Variants in PRPS1 observed in about 807,000 individuals in gnomAD.
PRPS1 encodes the protein phosphoribosyl pyrophosphate synthetase 1.
PRPS1 carries 1 observed loss-of-function variant against 16.9 expected under a neutral mutation model. The ratio of observed to expected loss-of-function variants is 0.06; its 90% CI spans 0.02 to 0.28. The LOEUF is 0.28. PRPS1 is among the 10% of genes least tolerant of loss of function. The pLI is 1.00. For missense variants in PRPS1, 47 were observed against 254.0 expected, an observed-to-expected ratio of 0.19 and a Z score of 5.54; for synonymous variants, 70 against 90.2, an observed-to-expected ratio of 0.78 and a Z score of 1.27.
chrX:107,639,096 C>T lies in PRPS1; in HGVS notation c.123-199C>T, dbSNP rs368386568. 1.3e-4 allele frequency among the ~76,000 whole-genome samples: 15 copies of T among 111,859 alleles called. No homozygotes were observed. The East Asian group carries it at 1.4e-3, about 10-fold the overall frequency. On this transcript the variant is annotated intron_variant, in intron 1 of 6. Transcript: ENST00000372435. ...AATACTTAATACAATATAAATACTACGTAAATAGTTGTTATACTGTATTTA... is the reference window on the plus strand; with the variant it reads ...AATACTTAATACAATATAAATACTATGTAAATAGTTGTTATACTGTATTTA...
chrX:107,641,453 T>C (rs1325876179), intron 3 of PRPS1, among the ~76,000 whole-genome samples: 1 of 111,593 alleles, frequency 9.0e-6, no homozygotes, highest in Non-Finnish European at 1.9e-5. Flanking sequence ...CCTCCTCAGT[T>C]CAAGCAGTTC....
chrX:107,641,808 T>G (rs1408017912), intron 3 of PRPS1, among the ~76,000 whole-genome samples: 3 of 112,392 alleles, frequency 2.7e-5, no homozygotes, highest in African/African-American at 9.7e-5. Context: ...TTCAATGAAG[T>G]ACATTGGACA....
chrX:107,633,242 G>A (rs908836697), intron 1 of PRPS1, among the ~76,000 whole-genome samples: 3 of 109,326 alleles, frequency 2.7e-5, no homozygotes, highest in African/African-American at 1.0e-4. Flanking sequence ...CTAACACGGT[G>A]AAACCCTGTC....
chrX:107,649,050 C>T (rs1177798149), intron 6 of PRPS1, among the ~76,000 whole-genome samples: 5 of 110,590 alleles, frequency 4.5e-5, no homozygotes, highest in Admixed American at 3.8e-4. Context: ...TGAGCCACCA[C>T]GCCCAGCCTA....
chrX:107,631,769 C>T (rs991758107), intron 1 of PRPS1, among the ~76,000 whole-genome samples: 2 of 111,927 alleles, frequency 1.8e-5, no homozygotes, highest in South Asian at 3.7e-4. Flanking sequence ...TCACTGCAAC[C>T]TCCGCCACCC....
At chrX:107,647,575 A>T (rs756349027) in intron 5 of PRPS1, 31 bp from the exon 6 acceptor site, 2 of 1,208,479 alleles carry the variant, frequency 1.7e-6, no homozygotes, top group East Asian at 5.9e-5. Context: ...GACAAGTAAG[A>T]TGAATCCAAA....
chrX:107,630,950 C>T (rs1244045940), intron 1 of PRPS1, among the ~76,000 whole-genome samples: 1 of 111,543 alleles, frequency 9.0e-6, no homozygotes, highest in Non-Finnish European at 1.9e-5. Flanking sequence ...ATAAGTACAA[C>T]AGTAAATGTT....
chrX:107,634,315 C>T (rs775236243), intron 1 of PRPS1, among the ~76,000 whole-genome samples: 48 of 110,107 alleles, frequency 4.4e-4, no homozygotes, highest in Non-Finnish European at 5.9e-4. Flanking sequence ...CTCGGGTTCA[C>T]GCCATTCTCC....
chrX:107,631,753 C>T (rs1255631142), intron 1 of PRPS1, among the ~76,000 whole-genome samples: 1 of 111,882 alleles, frequency 8.9e-6, no homozygotes, highest in Admixed American at 9.5e-5. Flanking sequence ...GTGGTGCGAT[C>T]TCAGCTCACT....
Position 107,640,896 on chromosome X carries a change from A to G in PRPS1, c.307-6A>G. 1 of 1,210,862 alleles carries G rather than the reference A, an allele frequency of 8.3e-7. No homozygotes were observed. The highest frequency in any genetic ancestry group is 1.1e-6 in the Non-Finnish European group (1 of 894,931). Reference sequence around the variant, plus strand: ...GTTTTTCTTTTCTTTCCTCCCCTCCATTTAGAGCCGGGCGCCAATCTCAGC... The same window carrying G: ...GTTTTTCTTTTCTTTCCTCCCCTCCGTTTAGAGCCGGGCGCCAATCTCAGC... On this transcript the variant is annotated splice_region_variant and splice_polypyrimidine_tract_variant and intron_variant, in intron 2 of 6. Transcript: ENST00000372435.
chrX:107,636,191 C>T (rs1389261226), intron 1 of PRPS1, among the ~76,000 whole-genome samples: 1 of 111,333 alleles, frequency 9.0e-6, no homozygotes, highest in Non-Finnish European at 1.9e-5. Context: ...GGCTTCATCT[C>T]CCCATACTGC....
chrX:107,635,163 A>G (rs1013248238), intron 1 of PRPS1, among the ~76,000 whole-genome samples: 8 of 112,521 alleles, frequency 7.1e-5, no homozygotes, highest in African/African-American at 2.6e-4. Context: ...TTTTAAAAAC[A>G]TAGCAGAATA....
rs1366494227 is a variant in PRPS1 at position 107,650,689 on chromosome X, A to C, written c.*657A>C. 1 of 296,757 alleles carries C rather than the reference A, an allele frequency of 3.4e-6. No homozygotes were observed. The highest frequency in any genetic ancestry group is 5.8e-6 in the Non-Finnish European group (1 of 171,002). 24.5% of individuals were successfully genotyped at this position (296,757 alleles called of 1,213,427 possible). ...TACCTATCCCTTTCGATTTGGCTTT[A>C]CCTTCATCTATCTTGATCCTTTCCT... On this transcript the variant is annotated 3_prime_UTR_variant, in exon 7 of 7. Transcript: ENST00000372435.
At position 107,647,736 on chromosome X, in the gene PRPS1, G is replaced by T; in HGVS notation, c.835G>T (p.Asp279Tyr). The T allele has an allele frequency of 8.3e-7, 1 of 1,211,608 alleles. No individual in the cohort carries two copies. The change falls in exon 6 of 7, where the codon GAC becomes TAC. Residue 279 changes from aspartate (D) to tyrosine (Y), a missense_variant. Around this residue, in one of 3 missense-constraint regions of PRPS1, gnomAD observed 26 missense variants for 70.2 expected, o/e 0.37. Coordinates refer to ENST00000372435, the MANE Select transcript of PRPS1 (RefSeq NM_002764.4). ...VVVTNTIPQE[D>Y]KMKHCSKIQV... is the part of the protein sequence containing the mutation. The stretch of plus-strand genomic sequence containing the variant: ...AGTCACCAATACCATACCTCAGGAG[G>T]ACAAGATGAAGCATTGCTCCAAAAT...
chrX:107,645,674 T>G (rs150565389), intron 5 of PRPS1, among the ~76,000 whole-genome samples: 2 of 111,723 alleles, frequency 1.8e-5, no homozygotes, highest in African/African-American at 6.5e-5. Context: ...CATCAAAGTT[T>G]TTTGATCACC....
intron 4 of PRPS1, 119 bp from the exon 5 acceptor site, chrX:107,645,058 C>T (rs1925659898): frequency 2.5e-6 from 2 of 794,377 alleles, no homozygotes; most frequent in Non-Finnish European, 3.8e-6. Flanking sequence ...TTGTGATCCG[C>T]CCACCTCAGC....
chrX:107,638,449 G>A (rs1175600597), intron 1 of PRPS1, among the ~76,000 whole-genome samples: 3 of 111,885 alleles, frequency 2.7e-5, no homozygotes, highest in African/African-American at 9.7e-5. Flanking sequence ...TCACCATGTT[G>A]ACTAGGCTGG....
intron 1 of PRPS1, 102 bp downstream of exon 1, chrX:107,628,852 G>T: frequency 8.9e-7 from 1 of 1,118,497 alleles, no homozygotes; most frequent in Non-Finnish European, 1.2e-6. Flanking sequence ...TGGGGGTTGG[G>T]GGGAGAGGGT....
chrX:107,629,282 G>A (rs1416256798), intron 1 of PRPS1, among the ~76,000 whole-genome samples: 1 of 111,708 alleles, frequency 9.0e-6, no homozygotes, highest in Non-Finnish European at 1.9e-5. Flanking sequence ...TACTGCAGGC[G>A]CCAAAATTAT....
Sources: gnomAD v4.1 joint callset for allele counts (sites outside exome capture counted in the v4.1 genomes callset) on GRCh38, gnomAD v4.1.1 for gene constraint, gnomAD v4.1.1 regional missense constraint, MANE v1.5 for transcripts, NCBI Gene and HGNC (gene_info 2026-07-23, HGNC 2026-07-21) for gene names.